NTM: variants seen among roughly 807,000 people sequenced by gnomAD.
NTM encodes IgLON family member 2.
In NTM, 13 loss-of-function variants were observed where a neutral mutation model predicts 42.1. That is an observed-to-expected ratio of 0.31 (90% CI 0.20 to 0.49). The LOEUF is 0.49. Among genes scored for constraint, NTM ranks in the 20% least tolerant of loss-of-function variants. The pLI is 0.99. For missense variants in NTM, 373 were observed against 452.8 expected (o/e 0.82, Z 1.60); for synonymous variants, 187 against 179.2 (o/e 1.04, Z -0.35).
chr11:132,044,975 T>C (rs533179), intron 2 of NTM, among the ~76,000 whole-genome samples: 69,996 of 151,966 alleles, frequency 0.46, 16,886 homozygotes, highest in East Asian at 0.81. Flanking sequence ...CCATTCCTAT[T>C]GAAAATATTC....
intron 1 of NTM, among the ~76,000 whole-genome samples, chr11:131,668,327 G>T (rs1415791629): frequency 6.6e-6 from 1 of 151,562 alleles, no homozygotes; most frequent in Admixed American, 6.6e-5. Context: ...CTTACTATCA[G>T]CAATGCCTGG....
chr11:131,499,912 C>T (rs2046522212), intron 1 of NTM, among the ~76,000 whole-genome samples: 1 of 152,210 alleles, frequency 6.6e-6, no homozygotes, highest in African/African-American at 2.4e-5. Context: ...GGAATAATTT[C>T]TTCTCTTTGA....
intron 2 of NTM, among the ~76,000 whole-genome samples, chr11:132,044,654 G>A (rs1270607364): frequency 6.6e-6 from 1 of 151,980 alleles, no homozygotes; most frequent in Admixed American, 6.6e-5. Context: ...TGGGACCTTC[G>A]CCAGTGCATG....
intron 2 of NTM, among the ~76,000 whole-genome samples, chr11:131,914,828 T>A (rs2056008439): frequency 6.6e-6 from 1 of 152,218 alleles, no homozygotes; most frequent in South Asian, 2.1e-4. Flanking sequence ...GCTCACTATG[T>A]GTTGGGGAGT....
At chr11:132,314,380 A>ACTGT (rs928842167) in intron 6 of NTM, 172 bp from the exon 7 acceptor site, 29 of 275,292 alleles carry the variant, frequency 1.1e-4, no homozygotes, top group African/African-American at 6.3e-4. Context: ...CGTGTCACTC[A>ACTGT]CTGTCTGTGA....
At chr11:132,145,923 C>T (rs1027655265) in intron 2 of NTM, among the ~76,000 whole-genome samples, 3 of 152,198 alleles carry the variant, frequency 2.0e-5, no homozygotes, top group Non-Finnish European at 4.4e-5. Context: ...CCCTAAACAG[C>T]TAGACATAAC....
chr11:132,220,757 T>C (rs1375053237), intron 4 of NTM, among the ~76,000 whole-genome samples: 1 of 152,188 alleles, frequency 6.6e-6, no homozygotes, highest in African/African-American at 2.4e-5. Context: ...ACCGTTACCA[T>C]GCAGAACTGT....
chr11:132,226,615 G>T (rs1002316032), intron 4 of NTM, among the ~76,000 whole-genome samples: 7 of 152,008 alleles, frequency 4.6e-5, no homozygotes, highest in Admixed American at 1.3e-4. Flanking sequence ...AGTCCTTAAA[G>T]AATTACTTTA....
intron 2 of NTM, among the ~76,000 whole-genome samples, chr11:132,127,614 G>T (rs2066060356): frequency 6.6e-6 from 1 of 152,208 alleles, no homozygotes; most frequent in South Asian, 2.1e-4. Context: ...GTGGCTTGCT[G>T]CCTCGGATGC....
At chr11:131,703,759 A>T (rs1244480951) in intron 1 of NTM, among the ~76,000 whole-genome samples, 3 of 152,228 alleles carry the variant, frequency 2.0e-5, no homozygotes, top group African/African-American at 7.2e-5. Flanking sequence ...AACGTCACTC[A>T]GCCTAGTGTG....
intron 1 of NTM, among the ~76,000 whole-genome samples, chr11:131,441,488 A>G (rs1949623829): frequency 6.6e-6 from 1 of 152,126 alleles, no homozygotes; most frequent in Non-Finnish European, 1.5e-5. Flanking sequence ...AAAAACCACC[A>G]CTCACAACAC....
chr11:132,070,955 G>C (rs1236448449), intron 2 of NTM, among the ~76,000 whole-genome samples: 1 of 143,120 alleles, frequency 7.0e-6, no homozygotes, highest in Non-Finnish European at 1.5e-5. Context: ...ACGTCAAACT[G>C]ACCGTCACAG....
chr11:132,130,153 C>T (rs1163756995), intron 2 of NTM, among the ~76,000 whole-genome samples: 2 of 152,176 alleles, frequency 1.3e-5, no homozygotes, highest in Non-Finnish European at 2.9e-5. Flanking sequence ...TCTGATATTC[C>T]CAGAGGTGAC....
chr11:131,610,615 G>T (rs2061389766), intron 1 of NTM, among the ~76,000 whole-genome samples: 1 of 152,160 alleles, frequency 6.6e-6, no homozygotes, highest in African/African-American at 2.4e-5. Context: ...CTGACTTAGG[G>T]TTTAAGTGAG....
chr11:132,127,056 C>A (rs2065956949), intron 2 of NTM, among the ~76,000 whole-genome samples: 1 of 152,130 alleles, frequency 6.6e-6, no homozygotes, highest in Non-Finnish European at 1.5e-5. Flanking sequence ...CTTATTCAGG[C>A]CTTTGCTTTT....
chr11:131,977,692 A>G (rs988265127), intron 2 of NTM, among the ~76,000 whole-genome samples: 2 of 152,160 alleles, frequency 1.3e-5, no homozygotes, highest in African/African-American at 4.8e-5. Context: ...GAAAGAGGTG[A>G]TTTTGTTCTT....
chr11:131,567,931 A>G (rs1171138614), intron 1 of NTM, among the ~76,000 whole-genome samples: 2 of 152,240 alleles, frequency 1.3e-5, no homozygotes, highest in African/African-American at 4.8e-5. Flanking sequence ...GTATGTGCCC[A>G]GTAATTACTT....
At chr11:131,809,825 G>C (rs1286306096) in intron 1 of NTM, among the ~76,000 whole-genome samples, 1 of 152,138 alleles carries the variant, frequency 6.6e-6, no homozygotes, top group Non-Finnish European at 1.5e-5. Flanking sequence ...GTGTCCCAAA[G>C]GTAGGTGAGC....
chr11:131,795,650 C>A (rs1318706421), intron 1 of NTM: 1 of 985,420 alleles, frequency 1.0e-6, no homozygotes, highest in Non-Finnish European at 1.2e-6. Flanking sequence ...TAGGCCAGTA[C>A]AGTGCCAGTG....
Sources: gnomAD v4.1 joint callset for allele counts (sites outside exome capture counted in the v4.1 genomes callset) on GRCh38, gnomAD v4.1.1 for gene constraint, MANE v1.5 for transcripts, NCBI Gene and HGNC (gene_info 2026-07-23, HGNC 2026-07-21) for gene names.